Variants in GRM1 observed in about 807,000 individuals in gnomAD.
GRM1 encodes glutamate metabotropic receptor 1.
Under a neutral mutation model 90.9 loss-of-function variants are expected in GRM1, and 33 were observed. The observed-to-expected ratio is 0.36, with a 90% CI of 0.28 to 0.49. The LOEUF (loss-of-function observed/expected upper bound fraction) is 0.49. Among genes scored for constraint, GRM1 ranks in the 20% least tolerant of loss-of-function variants. The probability of loss-of-function intolerance (pLI) is 0.99; values close to 1 mark genes in which losing one functional copy is unlikely to be tolerated. For synonymous variants in GRM1, 700 were observed against 613.2 expected (o/e 1.14, Z -2.09); for missense variants, 1,190 against 1,534.3 (o/e 0.78, Z 3.75).
intron 1 of GRM1, among the ~76,000 whole-genome samples, chr6:146,080,882 C>T (rs573465137): frequency 6.6e-6 from 1 of 152,288 alleles, no homozygotes; most frequent in Non-Finnish European, 1.5e-5. Context: ...TGTGCATGTG[C>T]CCAAACATAG....
chr6:146,056,094 T>C (rs2128851354), intron 1 of GRM1, among the ~76,000 whole-genome samples: 1 of 152,292 alleles, frequency 6.6e-6, no homozygotes, highest in East Asian at 1.9e-4. Context: ...CTCATATTTC[T>C]CATCTTGGTG....
chr6:146,429,009 G>C (rs998162249), intron 7 of GRM1, among the ~76,000 whole-genome samples: 1 of 152,002 alleles, frequency 6.6e-6, no homozygotes, highest in Non-Finnish European at 1.5e-5. Context: ...GTCTTAATAA[G>C]GGCAAACTGA....
At chr6:146,204,525 C>A (rs950154604) in intron 2 of GRM1, among the ~76,000 whole-genome samples, 2 of 152,114 alleles carry the variant, frequency 1.3e-5, no homozygotes, top group Non-Finnish European at 2.9e-5. Context: ...GAAATGGGTG[C>A]AGAAGGTGTA....
Position 146,218,189 on chromosome 6 carries a change from C to T in GRM1, c.950+58592C>T, listed in dbSNP as rs6925501. 4.7e-3 allele frequency among the ~76,000 whole-genome samples: 721 copies of T among 152,168 alleles called. 3 individuals carry two copies. Among genetic ancestry groups the T allele is most frequent in the African/African-American group, 0.015 (631 of 41,522 alleles). On this transcript the variant is annotated intron_variant, in intron 2 of 7. Coordinates refer to ENST00000282753, the MANE Select transcript of GRM1 (RefSeq NM_001278064.2). The stretch of plus-strand genomic sequence containing the variant: ...TCACTGTGCTGGTGAGAGGAATAGA[C>T]ACAAGGGTTGTGAAAAACTTAGCAT...
At chr6:146,148,163 C>T (rs1252313223) in intron 1 of GRM1, among the ~76,000 whole-genome samples, 1 of 152,116 alleles carries the variant, frequency 6.6e-6, no homozygotes, top group Non-Finnish European at 1.5e-5. Context: ...TTCCCAAATA[C>T]CCTGTAATAG....
chr6:146,422,601 A>G, intron 7 of GRM1, among the ~76,000 whole-genome samples: 1 of 152,216 alleles, frequency 6.6e-6, no homozygotes, highest in East Asian at 1.9e-4. Context: ...TGATCATACA[A>G]TTGGAAAGTG....
At chr6:146,204,085 A>G (rs1220267379) in intron 2 of GRM1, among the ~76,000 whole-genome samples, 1 of 152,224 alleles carries the variant, frequency 6.6e-6, no homozygotes, top group Non-Finnish European at 1.5e-5. Context: ...CAAAGAAGTG[A>G]TAACTAGATA....
intron 1 of GRM1, among the ~76,000 whole-genome samples, chr6:146,080,577 C>A (rs2128863009): frequency 6.6e-6 from 1 of 152,182 alleles, no homozygotes; most frequent in South Asian, 2.1e-4. Context: ...AAGCAAGGGG[C>A]CCCTACCCTA....
At chr6:146,324,145 C>T (rs1011777810) in intron 3 of GRM1, among the ~76,000 whole-genome samples, 8 of 152,158 alleles carry the variant, frequency 5.3e-5, no homozygotes, top group Non-Finnish European at 7.4e-5. Flanking sequence ...TGCGGAGCTG[C>T]GGTGGGCTCC....
chr6:146,228,671 G>A (rs548129194), intron 2 of GRM1, among the ~76,000 whole-genome samples: 1 of 152,132 alleles, frequency 6.6e-6, no homozygotes. Flanking sequence ...TTGCATTATA[G>A]TAATAGTATA....
intron 1 of GRM1, among the ~76,000 whole-genome samples, chr6:146,121,294 C>A (rs1247716172): frequency 3.3e-5 from 5 of 152,126 alleles, no homozygotes; most frequent in South Asian, 2.1e-4. Flanking sequence ...TCCCCTTTAT[C>A]ATTTTTTATT....
chr6:146,409,448 A>G (rs1777479775), intron 7 of GRM1, among the ~76,000 whole-genome samples: 2 of 152,220 alleles, frequency 1.3e-5, no homozygotes, highest in Admixed American at 6.5e-5. Context: ...AACTAAGTTT[A>G]AAAGCCAGAC....
intron 1 of GRM1, among the ~76,000 whole-genome samples, chr6:146,105,773 C>T (rs1031746841): frequency 1.3e-5 from 2 of 152,098 alleles, no homozygotes; most frequent in Non-Finnish European, 2.9e-5. Flanking sequence ...TTCAAAATTT[C>T]TTTAGAGTCA....
chr6:146,107,868 T>G (rs1433990227), intron 1 of GRM1, among the ~76,000 whole-genome samples: 1 of 152,162 alleles, frequency 6.6e-6, no homozygotes, highest in East Asian at 1.9e-4. Flanking sequence ...GATTCTCTAA[T>G]TATTGAGTCT....
intron 3 of GRM1, among the ~76,000 whole-genome samples, chr6:146,323,347 T>C (rs928176895): frequency 6.6e-6 from 1 of 152,248 alleles, no homozygotes; most frequent in Non-Finnish European, 1.5e-5. Context: ...CCGGTGATGA[T>C]GAGCATTTTT....
chr6:146,180,138 C>G (rs377019322), intron 2 of GRM1, among the ~76,000 whole-genome samples: 3 of 151,196 alleles, frequency 2.0e-5, no homozygotes, highest in Non-Finnish European at 4.4e-5. Context: ...CACCAAAAAA[C>G]AAACCAAAAA....
intron 2 of GRM1, among the ~76,000 whole-genome samples, chr6:146,257,875 CA>C (rs1192988815): frequency 6.6e-6 from 1 of 151,688 alleles, no homozygotes; most frequent in Non-Finnish European, 1.5e-5. Flanking sequence ...GAGAGACATG[CA>C]GAAATAATGT....
At chr6:146,088,758 T>C (rs1349774753) in intron 1 of GRM1, among the ~76,000 whole-genome samples, 2 of 152,120 alleles carry the variant, frequency 1.3e-5, no homozygotes, top group Admixed American at 6.6e-5. Flanking sequence ...CCCATCACAG[T>C]AGCTGCCCCC....
Position 146,335,058 on chromosome 6 carries a change from A to T in GRM1, c.1187-17192A>T, listed in dbSNP as rs191011777. ...AAAGCAAATATGACTGTCCAGTTGC[A>T]GGTGTCTTATAGGTGCTATCTGCTT... On this transcript the variant is annotated intron_variant, in intron 3 of 7. Transcript: ENST00000282753. 3.2e-3 allele frequency among the ~76,000 whole-genome samples: 484 copies of T among 152,312 alleles called. 4 individuals carry two copies. The highest frequency in any genetic ancestry group is 0.011 in the African/African-American group (470 of 41,576).
Sources: gnomAD v4.1 joint callset for allele counts (sites outside exome capture counted in the v4.1 genomes callset) on GRCh38, gnomAD v4.1.1 for gene constraint, MANE v1.5 for transcripts, NCBI Gene and HGNC (gene_info 2026-07-23, HGNC 2026-07-21) for gene names.